Variants in ABTB3 observed in about 807,000 individuals in gnomAD.
The protein encoded by ABTB3 is ankyrin repeat- and BTB/POZ domain-containing protein 3.
chr12:107,545,281 C>G, the ABTB3 span, among the ~76,000 whole-genome samples: 1 of 152,188 alleles, frequency 6.6e-6, no homozygotes, highest in African/African-American at 2.4e-5. Flanking sequence ...CTCTGTCACC[C>G]AGGCTAGGTA....
chr12:107,447,286 G>T, the ABTB3 span, among the ~76,000 whole-genome samples: 3 of 152,178 alleles, frequency 2.0e-5, no homozygotes, highest in Non-Finnish European at 4.4e-5. Context: ...GGGATTACAG[G>T]CATGTGCCAC....
At chr12:107,575,527 G>C in the ABTB3 span, among the ~76,000 whole-genome samples, 1 of 152,150 alleles carries the variant, frequency 6.6e-6, no homozygotes, top group African/African-American at 2.4e-5. Flanking sequence ...CTGGCAGCCA[G>C]AAGTCTAAAA....
chr12:107,509,372 G>C, the ABTB3 span, among the ~76,000 whole-genome samples: 1 of 152,224 alleles, frequency 6.6e-6, no homozygotes, highest in African/African-American at 2.4e-5. Context: ...CAAGAACGAA[G>C]CTTGAAGTAC....
the ABTB3 span, among the ~76,000 whole-genome samples, chr12:107,407,754 G>A: frequency 8.9e-4 from 136 of 152,266 alleles, no homozygotes; most frequent in African/African-American, 3.2e-3. Flanking sequence ...GATCTATTGG[G>A]CCTCCTGAGA....
At chr12:107,586,311 C>T in the ABTB3 span, among the ~76,000 whole-genome samples, 197 of 152,310 alleles carry the variant, frequency 1.3e-3, no homozygotes, top group Non-Finnish European at 2.4e-3. Context: ...CGGGCCTCCC[C>T]CATCTTTCCC....
chr12:107,486,463 G>C, the ABTB3 span: 1 of 151,994 alleles, frequency 6.6e-6, no homozygotes, highest in Admixed American at 6.6e-5. Flanking sequence ...AGAAAAAGTT[G>C]GCTGTTTTTC....
At chr12:107,498,350 C>T in the ABTB3 span, among the ~76,000 whole-genome samples, 30 of 152,262 alleles carry the variant, frequency 2.0e-4, no homozygotes, top group African/African-American at 7.2e-4. Context: ...CAGAATGACA[C>T]CATCAGGCCC....
At chr12:107,349,815 A>G in the ABTB3 span, among the ~76,000 whole-genome samples, 1 of 152,246 alleles carries the variant, frequency 6.6e-6, no homozygotes, top group African/African-American at 2.4e-5. Flanking sequence ...TTAATTTAAA[A>G]AATGCCTTTC....
the ABTB3 span, among the ~76,000 whole-genome samples, chr12:107,376,846 C>T: frequency 6.6e-6 from 1 of 152,194 alleles, no homozygotes; most frequent in African/African-American, 2.4e-5. Context: ...GCAAGGTGCT[C>T]TCAGCAGCCC....
chr12:107,624,956 A>G, the ABTB3 span, among the ~76,000 whole-genome samples: 268 of 152,304 alleles, frequency 1.8e-3, 2 homozygotes, highest in Admixed American at 4.1e-3. Context: ...ACTGGAAAAG[A>G]CTGAGTAATT....
the ABTB3 span, among the ~76,000 whole-genome samples, chr12:107,475,528 C>G: frequency 6.6e-6 from 1 of 152,196 alleles, no homozygotes; most frequent in Non-Finnish European, 1.5e-5. Context: ...CTTTTCCACA[C>G]AGCTCACAGA....
chr12:107,658,528 G>A, the ABTB3 span: 13 of 152,658 alleles, frequency 8.5e-5, no homozygotes, highest in East Asian at 1.3e-3. Context: ...TCGTGGTTTC[G>A]GGGTGAGAAT....
chr12:107,575,893 C>T, the ABTB3 span, among the ~76,000 whole-genome samples: 21 of 152,278 alleles, frequency 1.4e-4, no homozygotes, highest in African/African-American at 4.1e-4. Flanking sequence ...TTCAGCCAAC[C>T]ATACCCTCTG....
chr12:107,567,779 C>G, the ABTB3 span, among the ~76,000 whole-genome samples: 1 of 152,132 alleles, frequency 6.6e-6, no homozygotes, highest in African/African-American at 2.4e-5. Context: ...TAGGTTGTGC[C>G]CCTTATGAGA....
the ABTB3 span, among the ~76,000 whole-genome samples, chr12:107,392,759 A>G: frequency 1.3e-5 from 2 of 152,206 alleles, no homozygotes; most frequent in Admixed American, 6.5e-5. Context: ...AATCACATCC[A>G]TTGCTGAACT....
chr12:107,625,655 G>C, the ABTB3 span, among the ~76,000 whole-genome samples: 1 of 152,132 alleles, frequency 6.6e-6, no homozygotes, highest in African/African-American at 2.4e-5. Flanking sequence ...GCAGTAGTAA[G>C]AGTCTGACTC....
the ABTB3 span, among the ~76,000 whole-genome samples, chr12:107,516,265 G>A: frequency 6.7e-6 from 1 of 150,334 alleles, no homozygotes; most frequent in Non-Finnish European, 1.5e-5. Flanking sequence ...GAGTCTCACT[G>A]TGTCACCCAG....
the ABTB3 span, among the ~76,000 whole-genome samples, chr12:107,428,116 G>T: frequency 6.6e-6 from 1 of 152,198 alleles, no homozygotes; most frequent in African/African-American, 2.4e-5. Flanking sequence ...CTCTCGCAGT[G>T]TCTGGCACAC....
the ABTB3 span, among the ~76,000 whole-genome samples, chr12:107,494,793 G>A: frequency 4.3e-4 from 65 of 152,248 alleles, no homozygotes; most frequent in East Asian, 8.0e-3. Context: ...AGGGCTCTGC[G>A]CTGCAGCCGC....
Sources: allele counts gnomAD v4.1 joint callset (sites outside exome capture counted in the v4.1 genomes callset), GRCh38; gene constraint gnomAD v4.1.1; transcripts MANE v1.5; gene names NCBI Gene and HGNC (gene_info 2026-07-23, HGNC 2026-07-21).